NALCN: variants seen among roughly 807,000 people sequenced by gnomAD.
NALCN encodes the protein sodium leak channel, non-selective.
A neutral mutation model predicts 225.3 loss-of-function variants in NALCN; 111 were observed. The ratio of observed to expected loss-of-function variants is 0.49; its 90% CI spans 0.42 to 0.58. The LOEUF is 0.58. NALCN is among the 20% of genes least tolerant of loss of function. NALCN has a pLI of 0.00. For synonymous variants in NALCN, 764 were observed against 769.0 expected, an observed-to-expected ratio of 0.99 and a Z score of 0.11; for missense variants, 1,378 against 2,202.4, an observed-to-expected ratio of 0.63 and a Z score of 7.49.
chr13:101,216,292 C>T (rs1343754356), intron 13 of NALCN, among the ~76,000 whole-genome samples: 1 of 151,914 alleles, frequency 6.6e-6, no homozygotes, highest in Admixed American at 6.6e-5. Flanking sequence ...CCATATAAGG[C>T]AAGTTTAAAT....
At chr13:101,410,267 T>G (rs1434531602) in intron 1 of NALCN, among the ~76,000 whole-genome samples, 2 of 152,168 alleles carry the variant, frequency 1.3e-5, no homozygotes, top group African/African-American at 4.8e-5. Context: ...CATCTTCAGG[T>G]GATCCCTGCA....
At chr13:101,111,445 T>C (rs887053301) in intron 18 of NALCN, among the ~76,000 whole-genome samples, 1 of 152,108 alleles carries the variant, frequency 6.6e-6, no homozygotes, top group Non-Finnish European at 1.5e-5. Context: ...GGCTGGAAAA[T>C]AAACAGAAAG....
At chr13:101,188,396 T>C (rs535652796) in intron 14 of NALCN, among the ~76,000 whole-genome samples, 1 of 152,198 alleles carries the variant, frequency 6.6e-6, no homozygotes, top group Non-Finnish European at 1.5e-5. Flanking sequence ...CATGGACTTA[T>C]AGGGAGAGAA....
chr13:101,132,604 A>T (rs1386552699), intron 17 of NALCN, among the ~76,000 whole-genome samples: 6 of 152,076 alleles, frequency 3.9e-5, no homozygotes, highest in African/African-American at 1.2e-4. Flanking sequence ...TAATCCTCAT[A>T]GGTAGGTAAG....
chr13:101,310,377 A>T (rs1053170591), intron 7 of NALCN, among the ~76,000 whole-genome samples: 2 of 152,056 alleles, frequency 1.3e-5, no homozygotes, highest in Non-Finnish European at 1.5e-5. Context: ...TCCTCATATG[A>T]GGAGGAGAGC....
At chr13:101,223,426 G>A (rs957859809) in intron 13 of NALCN, among the ~76,000 whole-genome samples, 6 of 152,088 alleles carry the variant, frequency 3.9e-5, no homozygotes, top group African/African-American at 1.4e-4. Flanking sequence ...AATGGCTTGA[G>A]GCTTTTCCCA....
intron 14 of NALCN, among the ~76,000 whole-genome samples, chr13:101,183,801 AT>A (rs762218060): frequency 2.9e-4 from 44 of 149,492 alleles, no homozygotes; most frequent in East Asian, 1.2e-3. Flanking sequence ...CTATGTCCCT[AT>A]TTTTTTTTAA....
intron 15 of NALCN, among the ~76,000 whole-genome samples, chr13:101,172,883 A>G (rs143611824): frequency 6.6e-6 from 1 of 152,014 alleles, no homozygotes; most frequent in Non-Finnish European, 1.5e-5. Flanking sequence ...CCCATTTTAG[A>G]GCGAACAGGC....
At chr13:101,195,740 A>G (rs188459645) in intron 13 of NALCN, among the ~76,000 whole-genome samples, 47 of 151,894 alleles carry the variant, frequency 3.1e-4, no homozygotes, top group Non-Finnish European at 5.6e-4. Flanking sequence ...TCCCTTAACC[A>G]CTCCCAAATT....
intron 13 of NALCN, 95 bp downstream of exon 13, chr13:101,229,298 C>T: frequency 8.6e-7 from 1 of 1,162,462 alleles, no homozygotes; most frequent in South Asian, 1.8e-5. Context: ...TAGGATAATA[C>T]TTCTGAATGA....
At chr13:101,273,387 A>C (rs984126595) in intron 10 of NALCN, among the ~76,000 whole-genome samples, 1 of 152,168 alleles carries the variant, frequency 6.6e-6, no homozygotes, top group Non-Finnish European at 1.5e-5. Context: ...GTCAATTATA[A>C]CTTTTCACCT....
intron 14 of NALCN, among the ~76,000 whole-genome samples, chr13:101,179,932 C>T (rs1407853225): frequency 1.3e-5 from 2 of 152,116 alleles, no homozygotes; most frequent in East Asian, 1.9e-4. Flanking sequence ...CGGCTTGTGG[C>T]TTTGTTAACA....
At chr13:101,398,526 C>T (rs1209688988) in intron 2 of NALCN, among the ~76,000 whole-genome samples, 1 of 152,036 alleles carries the variant, frequency 6.6e-6, no homozygotes, top group African/African-American at 2.4e-5. Flanking sequence ...CTCAAATCCT[C>T]ATCAACTTAA....
chr13:101,070,063 G>GTTTTTTTT (rs71121162), intron 37 of NALCN, among the ~76,000 whole-genome samples: 1,934 of 97,926 alleles, frequency 0.02, 150 homozygotes, highest in East Asian at 0.025. Context: ...AATCATGAAT[G>GTTTTTTTT]TTTTTTTTTT....
intron 1 of NALCN, among the ~76,000 whole-genome samples, chr13:101,400,156 A>C (rs1035148226): frequency 6.6e-6 from 1 of 150,382 alleles, no homozygotes; most frequent in African/African-American, 2.5e-5. Flanking sequence ...AACCAAAAAA[A>C]AACAAAAAAC....
chr13:101,307,149 G>T (rs1421700304), intron 7 of NALCN, among the ~76,000 whole-genome samples: 1 of 152,214 alleles, frequency 6.6e-6, no homozygotes, highest in Middle Eastern at 3.4e-3. Context: ...AGATCCTTGG[G>T]TGCTTAGCCC....
chr13:101,322,707 G>T (rs484385), intron 7 of NALCN, among the ~76,000 whole-genome samples: 50,474 of 151,858 alleles, frequency 0.33, 8,818 homozygotes, highest in Non-Finnish European at 0.41. Flanking sequence ...CTCTAAGCGT[G>T]GTTTTTTTAT....
chr13:101,372,990 C>T, intron 6 of NALCN: 1 of 283,190 alleles, frequency 3.5e-6, no homozygotes, highest in Non-Finnish European at 7.0e-6. Flanking sequence ...TGGCTTATTA[C>T]CACTATTCTA....
chr13:101,293,390 A>G (rs1413919634), intron 7 of NALCN, among the ~76,000 whole-genome samples: 1 of 152,224 alleles, frequency 6.6e-6, no homozygotes, highest in African/African-American at 2.4e-5. Context: ...TAATTGCTCA[A>G]TATGCTTTTG....
Sources: allele counts gnomAD v4.1 joint callset (sites outside exome capture counted in the v4.1 genomes callset), GRCh38; gene constraint gnomAD v4.1.1; transcripts MANE v1.5; gene names NCBI Gene and HGNC (gene_info 2026-07-23, HGNC 2026-07-21).